NUP58: variants seen among roughly 807,000 people sequenced by gnomAD.
NUP58 encodes nucleoporin 58, also known as nucleoporin p58/p45.
Under a neutral mutation model 70.1 loss-of-function variants are expected in NUP58, and 17 were observed. That is an observed-to-expected ratio of 0.24 (90% CI 0.17 to 0.36). NUP58 has a LOEUF of 0.36. NUP58 is among the 10% of genes least tolerant of loss of function. The pLI, the probability that NUP58 is intolerant of heterozygous loss-of-function variation, is 1.00. For missense variants in NUP58, 644 were observed against 701.5 expected (o/e 0.92, Z 0.93); for synonymous variants, 275 against 257.6 (o/e 1.07, Z -0.65).
At chr13:25,316,918 TA>T (rs1398257692) in intron 6 of NUP58, among the ~76,000 whole-genome samples, 4 of 152,240 alleles carry the variant, frequency 2.6e-5, no homozygotes, top group Non-Finnish European at 5.9e-5. Flanking sequence ...TTAAATTTTA[TA>T]AATATTTATG....
downstream of NUP58, among the ~76,000 whole-genome samples, chr13:25,343,603 G>A (rs866984723): frequency 7.3e-5 from 11 of 150,736 alleles, no homozygotes; most frequent in African/African-American, 2.7e-4. Context: ...GCATGATTAC[G>A]CCTGGCTAAT....
chr13:25,317,185 A>G (rs1239912663), intron 6 of NUP58, among the ~76,000 whole-genome samples: 4 of 152,166 alleles, frequency 2.6e-5, no homozygotes, highest in Admixed American at 1.3e-4. Context: ...TAGAGATGAG[A>G]AGGACCTTGA....
chr13:25,327,444 A>G lies in NUP58; in HGVS notation c.1165A>G (p.Met389Val), dbSNP rs756706849. The G allele has an allele frequency of 4.2e-5, 67 of 1,605,558 alleles. No homozygotes were observed. Among genetic ancestry groups the G allele is most frequent in the Non-Finnish European group, 5.6e-5 (66 of 1,173,410 alleles). ...TTCTTTTATAGATTTGTCAATGGCTATGCAGAAAATTTATCAAACATTTGT... is the reference window on the plus strand; with the variant it reads ...TTCTTTTATAGATTTGTCAATGGCTGTGCAGAAAATTTATCAAACATTTGT... ...HITPQDLSMAMQKIYQTFVAL... is the reference protein window; with the variant it reads ...HITPQDLSMAVQKIYQTFVAL... The change falls in exon 12 of 16, where the codon ATG becomes GTG. Residue 389 changes from methionine to valine, a missense_variant. Around this residue, in one of 4 missense-constraint regions of NUP58, gnomAD observed 78 missense variants for 71.3 expected, o/e 1.09. Transcript: ENST00000381736.
chr13:25,319,908 TGAA>T (rs2031108978), intron 7 of NUP58, among the ~76,000 whole-genome samples: 1 of 152,148 alleles, frequency 6.6e-6, no homozygotes, highest in Non-Finnish European at 1.5e-5. Context: ...ACTATTTAAA[TGAA>T]GAAGATTAGA....
chr13:25,338,549 C>T (rs2031860183), intron 14 of NUP58, 87 bp from the exon 15 acceptor site: 2 of 913,856 alleles, frequency 2.2e-6, no homozygotes, highest in African/African-American at 1.6e-5. Context: ...TCTGTTAGAC[C>T]TCTGATGATT....
chr13:25,325,490 T>C (rs556948437), intron 10 of NUP58, among the ~76,000 whole-genome samples: 34 of 152,360 alleles, frequency 2.2e-4, no homozygotes, highest in Admixed American at 7.2e-4. Flanking sequence ...TACATTTGGC[T>C]TTCATACATG....
At chr13:25,322,658 T>A (rs1278898597) in intron 9 of NUP58, among the ~76,000 whole-genome samples, 1 of 152,236 alleles carries the variant, frequency 6.6e-6, no homozygotes, top group Non-Finnish European at 1.5e-5. Flanking sequence ...AAATTTGGGT[T>A]CTATCCCCTA....
At chr13:25,349,727 T>C (rs1411644071) in exon 4 of NUP58, 5 of 152,480 alleles carry the variant, frequency 3.3e-5, no homozygotes, top group African/African-American at 9.7e-5. Flanking sequence ...GAAAAGCACA[T>C]TAAGCTTAGA....
At chr13:25,318,305 G>A (rs752988981) in intron 6 of NUP58, among the ~76,000 whole-genome samples, 17 of 152,086 alleles carry the variant, frequency 1.1e-4, no homozygotes, top group Non-Finnish European at 1.6e-4. Flanking sequence ...TCCAGCCTGG[G>A]CACTAGAGTG....
chr13:25,349,791 T>C (rs1268837614), exon 4 of NUP58: 1 of 152,192 alleles, frequency 6.6e-6, no homozygotes, highest in Admixed American at 6.5e-5. Context: ...CCTTTGGTGT[T>C]TAAGGACAAT....
intron 6 of NUP58, among the ~76,000 whole-genome samples, chr13:25,316,129 T>G (rs1287186430): frequency 1.3e-5 from 2 of 152,188 alleles, no homozygotes; most frequent in South Asian, 2.1e-4. Flanking sequence ...TTGGAGACTC[T>G]TAGTGTATAG....
At chr13:25,339,863 A>G in intron 15 of NUP58, 102 bp from the exon 16 acceptor site, 5 of 995,888 alleles carry the variant, frequency 5.0e-6, no homozygotes, top group Non-Finnish European at 7.4e-6. Flanking sequence ...ATTCTTACAG[A>G]TTATGTATTC....
chr13:25,323,786 T>C (rs1465655386), intron 9 of NUP58, among the ~76,000 whole-genome samples: 1 of 152,180 alleles, frequency 6.6e-6, no homozygotes, highest in Admixed American at 6.5e-5. Context: ...GTTAAATTAC[T>C]GAGTTCAGCT....
chr13:25,321,064 A>G lies in NUP58; in HGVS notation c.922A>G (p.Ile308Val). Residue 308 changes from isoleucine to valine, a missense_variant, in exon 9 of 16, where the codon ATT (isoleucine) becomes GTT (valine). Ile to Val is a conservative substitution (Grantham distance 29). This residue lies in a region of NUP58 where 430 missense variants were observed against 409.2 expected (regional missense o/e 1.05). Coordinates refer to ENST00000381736, the MANE Select transcript of NUP58 (RefSeq NM_014089.4). Reference sequence around the variant, plus strand: ...TGGAATACAGAGAAACACTCTCAACATTGACAAATTGAAAATAGAAACTGC... The same window carrying G: ...TGGAATACAGAGAAACACTCTCAACGTTGACAAATTGAAAATAGAAACTGC... Reference protein sequence around the residue: ...ANGIQRNTLNIDKLKIETAQE... With the variant: ...ANGIQRNTLNVDKLKIETAQE... The G allele has an allele frequency of 6.3e-7, 1 of 1,588,894 alleles. No homozygotes were observed. Among genetic ancestry groups the G allele is most frequent in the Non-Finnish European group, 8.5e-7 (1 of 1,172,362 alleles).
intron 9 of NUP58, among the ~76,000 whole-genome samples, chr13:25,324,030 T>A (rs1437329718): frequency 6.6e-6 from 1 of 152,028 alleles, no homozygotes; most frequent in Non-Finnish European, 1.5e-5. Context: ...TGAACGAGGG[T>A]ATGGGCATGT....
At chr13:25,318,422 G>C (rs1566062681) in intron 6 of NUP58, among the ~76,000 whole-genome samples, 1 of 152,206 alleles carries the variant, frequency 6.6e-6, no homozygotes, top group East Asian at 1.9e-4. Context: ...CAAAATGCTT[G>C]ATTTTTAGGT....
intron 3 of NUP58, among the ~76,000 whole-genome samples, chr13:25,311,673 C>CTTT (rs149489423): frequency 1.4e-4 from 17 of 121,926 alleles, no homozygotes; most frequent in African/African-American, 3.6e-4. Flanking sequence ...CGGCACCTGT[C>CTTT]TTTTTTTTTT....
At chr13:25,335,546 A>T in intron 13 of NUP58, 1 of 984,524 alleles carries the variant, frequency 1.0e-6, no homozygotes, top group Non-Finnish European at 1.2e-6. Flanking sequence ...CAGGTATTTT[A>T]TTCTCAAAGT....
Position 25,331,442 on chromosome 13 carries a change from A to G in NUP58, c.1319A>G (p.Lys440Arg). The G allele has an allele frequency of 6.2e-7, 1 of 1,614,176 alleles. No homozygotes were observed. Among genetic ancestry groups the G allele is most frequent in the Non-Finnish European group, 8.5e-7 (1 of 1,180,012 alleles). Residue 440 changes from lysine to arginine, a missense_variant, in exon 13 of 16, where the codon AAG becomes AGG. Physicochemically the swap from Lys to Arg is conservative, Grantham distance 26 (BLOSUM62 2). Transcript: ENST00000381736. Reference sequence around the variant, plus strand: ...TTTGAAACAAGGCGAGCAGAAGCCAAGAAGTGGCAGAACACACCCAGAGTT... The same window carrying G: ...TTTGAAACAAGGCGAGCAGAAGCCAGGAAGTGGCAGAACACACCCAGAGTT... ...DVFETRRAEA[K>R]KWQNTPRVTT...
Sources: allele counts gnomAD v4.1 joint callset (sites outside exome capture counted in the v4.1 genomes callset), GRCh38; gene constraint gnomAD v4.1.1; regional missense constraint gnomAD v4.1.1; transcripts MANE v1.5; gene names NCBI Gene and HGNC (gene_info 2026-07-23, HGNC 2026-07-21).